The following CDH9 variants were observed in gnomAD, a reference collection of about 807,000 sequenced individuals.
CDH9 encodes the protein cadherin-9.
A neutral mutation model predicts 70.9 loss-of-function variants in CDH9; 28 were observed. The ratio of observed to expected loss-of-function variants is 0.40; its 90% CI spans 0.29 to 0.54. CDH9 has a LOEUF of 0.54. CDH9 is among the 20% of genes least tolerant of loss of function. CDH9 has a pLI of 0.59. For synonymous variants in CDH9, 409 were observed against 343.1 expected, an observed-to-expected ratio of 1.19 and a Z score of -2.12; for missense variants, 874 against 984.4, an observed-to-expected ratio of 0.89 and a Z score of 1.50.
At chr5:26,927,443 A>C (rs2112019666) in intron 2 of CDH9, among the ~76,000 whole-genome samples, 1 of 152,128 alleles carries the variant, frequency 6.6e-6, no homozygotes, top group East Asian at 1.9e-4. Flanking sequence ...ATGCCATTAT[A>C]ATTAGGATAG....
At position 26,944,636 on chromosome 5, in the gene CDH9, G is replaced by A. The variant is rs149747761; in HGVS notation, c.229-28712C>T. Among the ~76,000 whole-genome samples the A allele has an allele frequency of 4.3e-3, 657 of 152,164 alleles. 4 individuals are homozygous for A. Among genetic ancestry groups the A allele is most frequent in the African/African-American group, 0.015 (615 of 41,520 alleles). ...CCACTGCACTCCAGCCTGACAGAGT[G>A]AGACACTGTCTCACAAAATAAATAG... On this transcript the variant is annotated intron_variant, in intron 2 of 11. Transcript: ENST00000231021.
chr5:26,904,388 A>G (rs572010143), intron 5 of CDH9, among the ~76,000 whole-genome samples: 3 of 151,626 alleles, frequency 2.0e-5, no homozygotes, highest in Non-Finnish European at 4.4e-5. Flanking sequence ...CCTAAAAAGC[A>G]TTTTAGTTTG....
intron 2 of CDH9, among the ~76,000 whole-genome samples, chr5:26,920,228 C>T (rs923800671): frequency 6.6e-6 from 1 of 151,666 alleles, no homozygotes; most frequent in Non-Finnish European, 1.5e-5. Context: ...GGTAGCTAGG[C>T]AGTACTTGTC....
intron 2 of CDH9, among the ~76,000 whole-genome samples, chr5:26,940,599 A>G (rs937159195): frequency 6.6e-6 from 1 of 152,214 alleles, no homozygotes; most frequent in African/African-American, 2.4e-5. Flanking sequence ...CTAAGGAAAT[A>G]TCCAATAACA....
intron 1 of CDH9, among the ~76,000 whole-genome samples, chr5:26,999,752 A>G (rs894898112): frequency 6.6e-6 from 1 of 152,194 alleles, no homozygotes; most frequent in African/African-American, 2.4e-5. Context: ...GATCCTAGAT[A>G]TAAATGTAAA....
chr5:27,023,785 C>T (rs929379643), intron 1 of CDH9, among the ~76,000 whole-genome samples: 2 of 152,010 alleles, frequency 1.3e-5, no homozygotes, highest in African/African-American at 4.8e-5. Context: ...GGCATGGTGG[C>T]TCAAGCCTGT....
chr5:26,913,074 C>T (rs1741080825), intron 3 of CDH9, among the ~76,000 whole-genome samples: 1 of 152,108 alleles, frequency 6.6e-6, no homozygotes, highest in African/African-American at 2.4e-5. Flanking sequence ...CATTAAATCT[C>T]CTTTTCTTCC....
At chr5:26,955,816 G>A (rs893840512) in intron 2 of CDH9, among the ~76,000 whole-genome samples, 16 of 152,214 alleles carry the variant, frequency 1.1e-4, no homozygotes, top group South Asian at 8.3e-4. Flanking sequence ...TAGGCTAAAC[G>A]GAACATCAGT....
At chr5:26,917,834 G>A (rs1468945735) in intron 2 of CDH9, among the ~76,000 whole-genome samples, 1 of 151,952 alleles carries the variant, frequency 6.6e-6, no homozygotes, top group South Asian at 2.1e-4. Context: ...CATCACAAAT[G>A]TAGTCTTATT....
chr5:26,974,814 TTG>T (rs35950930), intron 2 of CDH9, among the ~76,000 whole-genome samples: 16 of 150,134 alleles, frequency 1.1e-4, no homozygotes, highest in East Asian at 3.9e-4. Flanking sequence ...AGTTACCCTT[TTG>T]TGTGTGTGTG....
intron 2 of CDH9, among the ~76,000 whole-genome samples, chr5:26,960,228 T>A (rs1028993143): frequency 6.6e-6 from 1 of 152,000 alleles, no homozygotes; most frequent in African/African-American, 2.4e-5. Context: ...CACTGAAATA[T>A]AAAGAAATGA....
intron 2 of CDH9, among the ~76,000 whole-genome samples, chr5:26,976,999 GA>G (rs1423022701): frequency 6.6e-6 from 1 of 151,636 alleles, no homozygotes; most frequent in Non-Finnish European, 1.5e-5. Context: ...TATACTCTAA[GA>G]ACAAGGAAAT....
chr5:26,998,804 A>G (rs888436851), intron 1 of CDH9, among the ~76,000 whole-genome samples: 2 of 152,200 alleles, frequency 1.3e-5, no homozygotes, highest in Non-Finnish European at 2.9e-5. Flanking sequence ...TGTAAAAGAC[A>G]GAAGTATTCA....
At chr5:26,930,166 T>C (rs934273417) in intron 2 of CDH9, among the ~76,000 whole-genome samples, 1 of 152,038 alleles carries the variant, frequency 6.6e-6, no homozygotes, top group Non-Finnish European at 1.5e-5. Context: ...AATAATTATA[T>C]AGAAATATTT....
intron 3 of CDH9, among the ~76,000 whole-genome samples, chr5:26,909,029 GC>G (rs1740999761): frequency 6.6e-6 from 1 of 152,112 alleles, no homozygotes; most frequent in Non-Finnish European, 1.5e-5. Context: ...TGTAGCCCAG[GC>G]TGGAGTGCAG....
chr5:27,015,588 T>C (rs1743033891), intron 1 of CDH9, among the ~76,000 whole-genome samples: 1 of 151,616 alleles, frequency 6.6e-6, no homozygotes, highest in Admixed American at 6.6e-5. Flanking sequence ...TCCTCAAATG[T>C]TTTCCTCTTA....
intron 9 of CDH9, 111 bp from the exon 10 acceptor site, chr5:26,886,194 C>A: frequency 8.0e-7 from 1 of 1,257,240 alleles, no homozygotes; most frequent in Non-Finnish European, 1.1e-6. Context: ...GAAAACAAAG[C>A]AAGAAAACAA....
At chr5:26,905,277 A>G (rs1298941832) in intron 5 of CDH9, among the ~76,000 whole-genome samples, 1 of 152,146 alleles carries the variant, frequency 6.6e-6, no homozygotes, top group African/African-American at 2.4e-5. Context: ...TCCATGGTTT[A>G]ATGTCTATCC....
chr5:26,964,293 T>C (rs188357724), intron 2 of CDH9, among the ~76,000 whole-genome samples: 169 of 152,244 alleles, frequency 1.1e-3, no homozygotes, highest in Non-Finnish European at 1.9e-3. Flanking sequence ...GCCAGGTTTC[T>C]AAGACCACCA....
Sources: gnomAD v4.1 joint callset for allele counts (sites outside exome capture counted in the v4.1 genomes callset) on GRCh38, gnomAD v4.1.1 for gene constraint, MANE v1.5 for transcripts, NCBI Gene and HGNC (gene_info 2026-07-23, HGNC 2026-07-21) for gene names.